Variants in PTPN13 observed in about 807,000 individuals in gnomAD.
PTPN13 encodes tyrosine-protein phosphatase non-receptor type 13.
Under a neutral mutation model 284.0 loss-of-function variants are expected in PTPN13, and 191 were observed. The ratio of observed to expected loss-of-function variants is 0.67; its 90% CI spans 0.60 to 0.76. PTPN13 has a LOEUF of 0.76. Among genes scored for constraint, PTPN13 ranks in the 30% least tolerant of loss-of-function variants. PTPN13 has a pLI of 0.00. For synonymous variants in PTPN13, 986 were observed against 1,022.3 expected, an observed-to-expected ratio of 0.96 and a Z score of 0.68; for missense variants, 2,797 against 2,939.9, an observed-to-expected ratio of 0.95 and a Z score of 1.12.
chr4:86,602,600 G>T (rs1764396627), intron 1 of PTPN13, among the ~76,000 whole-genome samples: 3 of 151,946 alleles, frequency 2.0e-5, no homozygotes, highest in South Asian at 4.1e-4. Flanking sequence ...GCTTGGGCTT[G>T]TTGATACATG....
Position 86,701,633 on chromosome 4 carries a change from A to C in PTPN13, c.1027A>C (p.Arg343=), listed in dbSNP as rs1731175187. 1.2e-6 allele frequency: 2 copies of C among 1,613,854 alleles called. No homozygotes were observed. Among genetic ancestry groups the C allele is most frequent in the South Asian group, 2.2e-5 (2 of 91,084 alleles). The change falls in exon 7 of 48, where the codon AGA becomes CGA. Residue 343 remains arginine, a synonymous_variant. Coordinates refer to ENST00000411767, the MANE Select transcript of PTPN13 (RefSeq NM_080683.3). Reference sequence around the variant, plus strand: ...AACTACTCCTAGAAAAAAGGAGGCAAGATACTCAGATGGAAGTATAGCCTT... The same window carrying C: ...AACTACTCCTAGAAAAAAGGAGGCACGATACTCAGATGGAAGTATAGCCTT... ...TSTTPRKKEA[R]YSDGSIALDI...
chr4:86,734,560 G>A (rs920721927), intron 13 of PTPN13, 104 bp downstream of exon 13: 3 of 1,266,116 alleles, frequency 2.4e-6, no homozygotes, highest in Non-Finnish European at 3.2e-6. Flanking sequence ...GATAATGTCT[G>A]CTTTATCATA....
At chr4:86,608,883 G>C (rs1765026515) in intron 1 of PTPN13, among the ~76,000 whole-genome samples, 1 of 152,122 alleles carries the variant, frequency 6.6e-6, no homozygotes, top group South Asian at 2.1e-4. Context: ...TTGGTTGATG[G>C]CAGTTATTTA....
chr4:86,765,245 T>A, intron 25 of PTPN13, 150 bp from the exon 26 acceptor site: 1 of 584,838 alleles, frequency 1.7e-6, no homozygotes. Flanking sequence ...ATAATATCCC[T>A]CATTAGTATA....
At chr4:86,647,437 C>G (rs955979326) in intron 2 of PTPN13, among the ~76,000 whole-genome samples, 1 of 151,056 alleles carries the variant, frequency 6.6e-6, no homozygotes, top group African/African-American at 2.4e-5. Flanking sequence ...AGACTACTCA[C>G]CTTTAAAAAA....
At chr4:86,738,460 AT>A (rs1257611358) in intron 15 of PTPN13, among the ~76,000 whole-genome samples, 2 of 152,132 alleles carry the variant, frequency 1.3e-5, no homozygotes, top group Non-Finnish European at 2.9e-5. Flanking sequence ...CCTCATTACT[AT>A]TTATGTTGAC....
chr4:86,652,102 A>C (rs900532360), intron 2 of PTPN13, among the ~76,000 whole-genome samples: 1 of 152,154 alleles, frequency 6.6e-6, no homozygotes, highest in Non-Finnish European at 1.5e-5. Flanking sequence ...GTTAAAAACA[A>C]AAAACAAAAA....
chr4:86,621,413 C>A (rs573181618), intron 1 of PTPN13, among the ~76,000 whole-genome samples: 3 of 152,140 alleles, frequency 2.0e-5, no homozygotes, highest in Non-Finnish European at 4.4e-5. Flanking sequence ...AGTTAACCAG[C>A]CTTTTTAGTG....
At chr4:86,641,416 A>G (rs76855658) in intron 2 of PTPN13, among the ~76,000 whole-genome samples, 7,097 of 152,210 alleles carry the variant, frequency 0.047, 223 homozygotes, top group African/African-American at 0.061. Context: ...ACATTCCTAT[A>G]AGAGGGGGCT....
intron 2 of PTPN13, among the ~76,000 whole-genome samples, chr4:86,636,298 CG>C (rs1723010711): frequency 6.6e-6 from 1 of 152,136 alleles, no homozygotes; most frequent in Non-Finnish European, 1.5e-5. Flanking sequence ...AATGGTTTTG[CG>C]GCATTGTGGA....
intron 3 of PTPN13, among the ~76,000 whole-genome samples, chr4:86,674,557 G>A (rs1284664463): frequency 6.6e-6 from 1 of 152,114 alleles, no homozygotes; most frequent in African/African-American, 2.4e-5. Context: ...GACAAGAATT[G>A]GTAGAGTGAA....
intron 1 of PTPN13, among the ~76,000 whole-genome samples, chr4:86,629,597 G>T (rs951628496): frequency 6.6e-6 from 1 of 151,898 alleles, no homozygotes; most frequent in Non-Finnish European, 1.5e-5. Context: ...TTCTAATCTG[G>T]GTCATGCATT....
chr4:86,765,223 A>G (rs1279427777), intron 25 of PTPN13, among the ~76,000 whole-genome samples, 172 bp from the exon 26 acceptor site: 7 of 152,232 alleles, frequency 4.6e-5, no homozygotes, highest in Non-Finnish European at 1.0e-4. Flanking sequence ...TTTTTGAATT[A>G]TACTGATGAA....
intron 13 of PTPN13, 100 bp downstream of exon 13, chr4:86,734,556 G>A (rs1461471997): frequency 5.2e-5 from 67 of 1,289,066 alleles, no homozygotes; most frequent in Non-Finnish European, 6.8e-5. Flanking sequence ...CAATGATAAT[G>A]TCTGCTTTAT....
chr4:86,794,235 C>T (rs1743043555), intron 40 of PTPN13, among the ~76,000 whole-genome samples: 3 of 151,852 alleles, frequency 2.0e-5, no homozygotes, highest in Admixed American at 6.6e-5. Context: ...GTGCAAAAAT[C>T]GCAAGCATTC....
intron 2 of PTPN13, 40 bp from the exon 3 acceptor site, chr4:86,672,325 C>CTTTTTTTTT (rs549820891): frequency 6.9e-7 from 1 of 1,448,030 alleles, no homozygotes; most frequent in Non-Finnish European, 9.2e-7. Context: ...CAATTTTCTT[C>CTTTTTTTTT]TTTTTTTTTA....
intron 5 of PTPN13, among the ~76,000 whole-genome samples, chr4:86,689,411 AT>A (rs1729790386): frequency 6.6e-6 from 1 of 152,216 alleles, no homozygotes; most frequent in South Asian, 2.1e-4. Context: ...ATTCCCAAAA[AT>A]ATCATAGAAT....
At chr4:86,804,276 C>G (rs928967497) in intron 43 of PTPN13, among the ~76,000 whole-genome samples, 1 of 152,122 alleles carries the variant, frequency 6.6e-6, no homozygotes, top group Non-Finnish European at 1.5e-5. Flanking sequence ...GCTCAGAGCC[C>G]TAGCTCCTGT....
chr4:86,696,850 A>C (rs1730644979), intron 6 of PTPN13, among the ~76,000 whole-genome samples: 2 of 152,030 alleles, frequency 1.3e-5, no homozygotes, highest in Admixed American at 1.3e-4. Flanking sequence ...TAAAGGTCCT[A>C]ATACTGAAAT....
Sources: gnomAD v4.1 joint callset for allele counts (sites outside exome capture counted in the v4.1 genomes callset) on GRCh38, gnomAD v4.1.1 for gene constraint, MANE v1.5 for transcripts, NCBI Gene and HGNC (gene_info 2026-07-23, HGNC 2026-07-21) for gene names.